The following ENDOD1 variants were observed in gnomAD, a reference collection of about 807,000 sequenced individuals.
ENDOD1 encodes endonuclease domain containing 1.
Under a neutral mutation model 6.5 loss-of-function variants are expected in ENDOD1, and 9 were observed. The ratio of observed to expected loss-of-function variants is 1.39; its 90% CI spans 0.84 to 2.43. The LOEUF (loss-of-function observed/expected upper bound fraction) is 2.43, where lower values mean the gene tolerates loss of function less well. ENDOD1 is among the 30% of genes most tolerant of loss of function. ENDOD1 has a pLI of 0.00. For missense variants in ENDOD1, 648 were observed against 635.5 expected (o/e 1.02, Z -0.21); for synonymous variants, 255 against 255.2 (o/e 1.00, Z 0.01).
intron 1 of ENDOD1, among the ~76,000 whole-genome samples, chr11:95,126,882 C>T (rs76787262): frequency 0.084 from 12,840 of 152,052 alleles, 622 homozygotes; most frequent in Middle Eastern, 0.19. Context: ...AATGGGGTTT[C>T]GCCATGTTGC....
chr11:95,098,238 G>C (rs891107125), intron 1 of ENDOD1, among the ~76,000 whole-genome samples: 1 of 152,134 alleles, frequency 6.6e-6, no homozygotes, highest in Admixed American at 6.5e-5. Context: ...AGTTACATGG[G>C]ATAAATCAGT....
chr11:95,099,022 A>G (rs896797692), intron 1 of ENDOD1, among the ~76,000 whole-genome samples: 2 of 152,198 alleles, frequency 1.3e-5, no homozygotes, highest in African/African-American at 2.4e-5. Flanking sequence ...TCACACGCCC[A>G]TGAATATCAG....
chr11:95,118,603 T>A (rs1555112697), intron 1 of ENDOD1, among the ~76,000 whole-genome samples: 1 of 152,242 alleles, frequency 6.6e-6, no homozygotes, highest in African/African-American at 2.4e-5. Flanking sequence ...TCTTTATCAT[T>A]GACCTTTGGA....
chr11:95,109,636 C>T (rs1055921932), intron 1 of ENDOD1, among the ~76,000 whole-genome samples: 2 of 152,246 alleles, frequency 1.3e-5, no homozygotes, highest in Admixed American at 6.5e-5. Context: ...CTGCCAAACT[C>T]GGCTGCCCAC....
chr11:95,123,300 C>A, intron 1 of ENDOD1, among the ~76,000 whole-genome samples: 1 of 149,362 alleles, frequency 6.7e-6, no homozygotes. Context: ...TTGACAACTC[C>A]AAGTTGCAAA....
intron 1 of ENDOD1, among the ~76,000 whole-genome samples, chr11:95,121,078 G>T (rs890689730): frequency 6.6e-6 from 1 of 152,222 alleles, no homozygotes; most frequent in South Asian, 2.1e-4. Context: ...ATTCAAGATT[G>T]GTTTTCCTAT....
chr11:95,101,886 C>T (rs1043602799), intron 1 of ENDOD1, among the ~76,000 whole-genome samples: 3 of 152,272 alleles, frequency 2.0e-5, no homozygotes, highest in Middle Eastern at 3.4e-3. Context: ...GACCTCAGGA[C>T]TTCAAATATA....
intron 1 of ENDOD1, among the ~76,000 whole-genome samples, chr11:95,098,049 A>C (rs1859003412): frequency 6.6e-6 from 1 of 152,164 alleles, no homozygotes; most frequent in African/African-American, 2.4e-5. Flanking sequence ...GGAAATCTGA[A>C]ATCTGAAATG....
intron 1 of ENDOD1, among the ~76,000 whole-genome samples, chr11:95,109,895 A>G (rs1229033557): frequency 6.6e-6 from 1 of 152,216 alleles, no homozygotes; most frequent in East Asian, 1.9e-4. Context: ...AGGTACTTCA[A>G]TCTGTTTGCA....
At chr11:95,092,009 A>C (rs1355358601) in intron 1 of ENDOD1, among the ~76,000 whole-genome samples, 1 of 152,192 alleles carries the variant, frequency 6.6e-6, no homozygotes, top group Non-Finnish European at 1.5e-5. Context: ...GACCTAAGCA[A>C]AAAACCATAA....
intron 1 of ENDOD1, among the ~76,000 whole-genome samples, chr11:95,122,589 TACACACAC>T (rs55940348): frequency 0.028 from 4,018 of 142,744 alleles, 64 homozygotes; most frequent in Non-Finnish European, 0.04. Context: ...GCATTTAAGT[TACACACAC>T]ACACACACAC....
At chr11:95,092,155 A>G (rs1423100397) in intron 1 of ENDOD1, among the ~76,000 whole-genome samples, 5 of 152,092 alleles carry the variant, frequency 3.3e-5, no homozygotes, top group African/African-American at 1.2e-4. Flanking sequence ...AAGGAGGAGG[A>G]CATTTCAAGC....
In ENDOD1 at chr11:95,092,263, C is replaced by T. The variant is rs539693062; in HGVS notation, c.300+2036C>T. Among the ~76,000 whole-genome samples, 147 of 152,146 alleles carry T rather than the reference C, an allele frequency of 9.7e-4. 2 individuals carry two copies. The Middle Eastern group carries it at 0.017, about 18-fold the overall frequency. Reference sequence around the variant, plus strand: ...GTAAACTAATACAAATAGATGAATGCACTCAATTGCTCAGAATAAAAAGGA... The same window carrying T: ...GTAAACTAATACAAATAGATGAATGTACTCAATTGCTCAGAATAAAAAGGA... On this transcript the variant is annotated intron_variant, in intron 1 of 1. Coordinates refer to ENST00000278505, the MANE Select transcript of ENDOD1 (RefSeq NM_015036.3).
intron 1 of ENDOD1, among the ~76,000 whole-genome samples, chr11:95,103,100 G>GGGGGGTGTGTGT (rs1491376570): frequency 1.2e-5 from 1 of 85,552 alleles, no homozygotes; most frequent in African/African-American, 3.2e-5. Flanking sequence ...AGGCAGAGTG[G>GGGGGGTGTGTGT]GTGTGTGTGT....
intron 1 of ENDOD1, among the ~76,000 whole-genome samples, chr11:95,104,767 A>G (rs1470592382): frequency 1.3e-5 from 2 of 152,186 alleles, no homozygotes; most frequent in Non-Finnish European, 2.9e-5. Flanking sequence ...CTAGAAACCA[A>G]AGGGTCCCAC....
chr11:95,123,041 T>C (rs1243942799), intron 1 of ENDOD1, among the ~76,000 whole-genome samples: 1 of 151,790 alleles, frequency 6.6e-6, no homozygotes, highest in East Asian at 1.9e-4. Context: ...ATACAAAAAT[T>C]AGCCAGGTGT....
chr11:95,112,916 A>G (rs1355058049), intron 1 of ENDOD1, among the ~76,000 whole-genome samples: 2 of 152,312 alleles, frequency 1.3e-5, no homozygotes, highest in Non-Finnish European at 2.9e-5. Context: ...ATTTTGAGGC[A>G]TATGAAACAG....
chr11:95,126,228 C>T (rs1351830373), intron 1 of ENDOD1, among the ~76,000 whole-genome samples: 1 of 152,228 alleles, frequency 6.6e-6, no homozygotes, highest in East Asian at 1.9e-4. Context: ...AAGAGAGTGT[C>T]TTCATTTGCC....
At chr11:95,127,294 A>G (rs1859320898) in intron 1 of ENDOD1, among the ~76,000 whole-genome samples, 1 of 152,078 alleles carries the variant, frequency 6.6e-6, no homozygotes, top group Non-Finnish European at 1.5e-5. Flanking sequence ...GAAAATAATC[A>G]TAAATAATAT....
Sources: allele counts gnomAD v4.1 joint callset (sites outside exome capture counted in the v4.1 genomes callset), GRCh38; gene constraint gnomAD v4.1.1; transcripts MANE v1.5; gene names NCBI Gene and HGNC (gene_info 2026-07-23, HGNC 2026-07-21).